The following SFMBT2 variants were observed in gnomAD, a reference collection of about 807,000 sequenced individuals.
The protein encoded by SFMBT2 is scm-like with four MBT domains protein 2.
SFMBT2 carries 38 observed loss-of-function variants against 110.1 expected under a neutral mutation model. The observed-to-expected ratio is 0.35, with a 90% CI of 0.27 to 0.45. The LOEUF is 0.45. Among genes scored for constraint, SFMBT2 ranks in the 20% least tolerant of loss-of-function variants. The probability of loss-of-function intolerance (pLI) is 1.00; values close to 1 mark genes in which losing one functional copy is unlikely to be tolerated. For synonymous variants in SFMBT2, 425 were observed against 425.4 expected (o/e 1.00, Z 0.01); for missense variants, 1,011 against 1,094.9 (o/e 0.92, Z 1.08).
chr10:7,246,792 G>GTTTAATT (rs59682788), intron 8 of SFMBT2, among the ~76,000 whole-genome samples: 78,098 of 148,836 alleles, frequency 0.52, 21,653 homozygotes, highest in East Asian at 0.86. Flanking sequence ...AGTCTGTTGA[G>GTTTAATT]TTTAATTGAT....
Position 7,367,535 on chromosome 10 carries a change from T to G in SFMBT2, c.436+114A>C. 1 of 1,475,770 alleles carries G rather than the reference T, an allele frequency of 6.8e-7. No individual in the cohort carries two copies. Among genetic ancestry groups the G allele is most frequent in the Non-Finnish European group, 9.0e-7 (1 of 1,113,532 alleles). The allele number at this position is 1,475,770 out of a possible 1,614,324, so 91.4% of individuals were successfully genotyped here. On this transcript the variant is annotated intron_variant, in intron 4 of 20. Coordinates refer to ENST00000397167, the MANE Select transcript of SFMBT2 (RefSeq NM_001387889.1). This position sits in a 1 kb window ranked among gnomAD's most constrained non-coding sequence, Gnocchi z 6.2. ...ACCACTCTGAAAGAACTGTGAGACCTTTGCACTAAGACCATTAGGGATTCT... is the reference window on the plus strand; with the variant it reads ...ACCACTCTGAAAGAACTGTGAGACCGTTGCACTAAGACCATTAGGGATTCT...
intron 4 of SFMBT2, chr10:7,329,477 G>A (rs1843500740): frequency 1.0e-6 from 1 of 985,486 alleles, no homozygotes; most frequent in Non-Finnish European, 1.2e-6. Flanking sequence ...TGTGTGGTGA[G>A]TTCTGCAAAG....
chr10:7,173,182 T>C (rs984478751), intron 17 of SFMBT2, among the ~76,000 whole-genome samples: 8 of 152,216 alleles, frequency 5.3e-5, no homozygotes, highest in Non-Finnish European at 7.3e-5. Flanking sequence ...TATGTTGTTG[T>C]AAGCCAGAGC....
intron 7 of SFMBT2, among the ~76,000 whole-genome samples, chr10:7,269,039 T>A (rs183497116): frequency 1.4e-5 from 1 of 73,802 alleles, no homozygotes; most frequent in African/African-American, 3.9e-5. Flanking sequence ...ATAACAGGGT[T>A]CGTCTTCAAG....
intron 8 of SFMBT2, among the ~76,000 whole-genome samples, chr10:7,248,035 A>G (rs917248385): frequency 6.6e-6 from 1 of 152,216 alleles, no homozygotes; most frequent in African/African-American, 2.4e-5. Flanking sequence ...ATCTTCAAGG[A>G]CTAACAGATC....
chr10:7,404,497 C>G (rs779302696), intron 1 of SFMBT2, among the ~76,000 whole-genome samples: 1 of 152,202 alleles, frequency 6.6e-6, no homozygotes, highest in African/African-American at 2.4e-5. Flanking sequence ...TCCCCCATGT[C>G]CCACACCTCC....
chr10:7,387,508 C>A (rs184295220), intron 1 of SFMBT2, among the ~76,000 whole-genome samples: 1 of 152,008 alleles, frequency 6.6e-6, no homozygotes, highest in East Asian at 1.9e-4. Context: ...TGGAATCCCA[C>A]GAAGGACAAG....
At chr10:7,313,442 C>A (rs1842908673) in intron 4 of SFMBT2, among the ~76,000 whole-genome samples, 1 of 152,144 alleles carries the variant, frequency 6.6e-6, no homozygotes, top group African/African-American at 2.4e-5. Context: ...CTCAGCCTCC[C>A]AAGTAGCTGG....
At position 7,408,922 on chromosome 10, in the gene SFMBT2, G is replaced by A. The variant is rs898573492; in HGVS notation, c.-52+1939C>T. Reference sequence around the variant, plus strand: ...AGACAAGAAGATGCCCCTCTCCGATGCGCCGAGAGGGTTCCTAAGCCGAGC... The same window carrying A: ...AGACAAGAAGATGCCCCTCTCCGATACGCCGAGAGGGTTCCTAAGCCGAGC... On this transcript the variant is annotated intron_variant, in intron 1 of 20. Coordinates refer to ENST00000397167, the MANE Select transcript of SFMBT2 (RefSeq NM_001387889.1). This position sits in a 1 kb window ranked among gnomAD's most constrained non-coding sequence, Gnocchi z 5.7. Among the ~76,000 whole-genome samples the A allele has an allele frequency of 1.3e-5, 2 of 152,094 alleles. No individual in the cohort carries two copies. The highest frequency in any genetic ancestry group is 2.9e-5 in the Non-Finnish European group (2 of 68,020).
chr10:7,169,096 G>A (rs894831756), intron 20 of SFMBT2, among the ~76,000 whole-genome samples: 1 of 152,004 alleles, frequency 6.6e-6, no homozygotes, highest in South Asian at 2.1e-4. Context: ...CCAAGTAGCT[G>A]GGATTACAGG....
Position 7,170,914 on chromosome 10 carries a change from G to A in SFMBT2, c.2544+14C>T, listed in dbSNP as rs373045151. ...TCAGCACATCAAACAATCGACACGCGGCAACCACCGTACCTGCTCCTGAAA... is the reference window on the plus strand; with the variant it reads ...TCAGCACATCAAACAATCGACACGCAGCAACCACCGTACCTGCTCCTGAAA... On this transcript the variant is annotated intron_variant, in intron 20 of 20. Coordinates refer to ENST00000397167, the MANE Select transcript of SFMBT2 (RefSeq NM_001387889.1). This position sits in a 1 kb window ranked among gnomAD's most constrained non-coding sequence, Gnocchi z 4.6. 3.6e-5 allele frequency: 58 copies of A among 1,613,874 alleles called. No individual in the cohort carries two copies. Among genetic ancestry groups the A allele is most frequent in the African/African-American group, 6.7e-5 (5 of 74,894 alleles).
At chr10:7,206,412 A>G (rs1839139266) in intron 11 of SFMBT2, 1 of 985,328 alleles carries the variant, frequency 1.0e-6, no homozygotes, top group Non-Finnish European at 1.2e-6. Flanking sequence ...AAAGAAAGTC[A>G]AGCATCACAG....
At chr10:7,191,317 A>T (rs1314565970) in intron 15 of SFMBT2, among the ~76,000 whole-genome samples, 1 of 152,206 alleles carries the variant, frequency 6.6e-6, no homozygotes, top group Admixed American at 6.5e-5. Context: ...TCTTATCCAG[A>T]TGCCTGGTGA....
At chr10:7,184,262 G>A (rs61655906) in intron 16 of SFMBT2, among the ~76,000 whole-genome samples, 11,483 of 152,208 alleles carry the variant, frequency 0.075, 649 homozygotes, top group African/African-American at 0.16. Flanking sequence ...AGTGTTGTGG[G>A]AGGGACCCAG....
intron 4 of SFMBT2, among the ~76,000 whole-genome samples, chr10:7,299,711 G>C (rs999648355): frequency 6.6e-6 from 1 of 152,106 alleles, no homozygotes; most frequent in Non-Finnish European, 1.5e-5. Context: ...AATATCATTT[G>C]ACCCAGCAAT....
At chr10:7,176,219 C>A (rs1356572130) in intron 16 of SFMBT2, 54 bp from the exon 17 acceptor site, 3 of 1,571,958 alleles carry the variant, frequency 1.9e-6, no homozygotes, top group Non-Finnish European at 2.6e-6. Context: ...ATGATTCAGG[C>A]CTATTCTGTA....
Position 7,394,116 on chromosome 10 carries a change from C to G in SFMBT2, c.-51-12167G>C, listed in dbSNP as rs7920762. ...CCGGGTTCAAGAGATCCTCCTAACT[C>G]AGCCTCTCAAGTAGCTGGGATTACA... On this transcript the variant is annotated intron_variant, in intron 1 of 20. Coordinates refer to ENST00000397167, the MANE Select transcript of SFMBT2 (RefSeq NM_001387889.1). Among the ~76,000 whole-genome samples the G allele has an allele frequency of 5.2e-3, 792 of 152,246 alleles. 9 individuals carry two copies. The highest frequency in any genetic ancestry group is 0.018 in the African/African-American group (741 of 41,546).
intron 1 of SFMBT2, among the ~76,000 whole-genome samples, chr10:7,404,859 T>C (rs1846171863): frequency 6.6e-6 from 1 of 152,238 alleles, no homozygotes; most frequent in South Asian, 2.1e-4. Flanking sequence ...GATGAACTGA[T>C]CATGCAAAAC....
intron 7 of SFMBT2, among the ~76,000 whole-genome samples, chr10:7,270,863 G>A (rs983671246): frequency 1.3e-5 from 2 of 152,058 alleles, no homozygotes; most frequent in Non-Finnish European, 2.9e-5. Flanking sequence ...GACAATAAAT[G>A]TTTAATGAAT....
Sources: allele counts gnomAD v4.1 joint callset (sites outside exome capture counted in the v4.1 genomes callset), GRCh38; gene constraint gnomAD v4.1.1; non-coding constraint Gnocchi (gnomAD v3.1); transcripts MANE v1.5; gene names NCBI Gene and HGNC (gene_info 2026-07-23, HGNC 2026-07-21).